Variants in PCDHA5 observed in about 807,000 individuals in gnomAD.
PCDHA5 encodes protocadherin alpha 5, also known as protocadherin alpha-5.
Under a neutral mutation model 61.6 loss-of-function variants are expected in PCDHA5, and 43 were observed. The observed-to-expected ratio is 0.70, with a 90% CI of 0.55 to 0.90. The LOEUF is 0.90. Ranked by LOEUF, PCDHA5 falls within the 40% of genes least tolerant of loss-of-function variation. The pLI, the probability that PCDHA5 is intolerant of heterozygous loss-of-function variation, is 0.00. For synonymous variants in PCDHA5, 627 were observed against 543.9 expected, an observed-to-expected ratio of 1.15 and a Z score of -2.13; for missense variants, 1,298 against 1,222.7, an observed-to-expected ratio of 1.06 and a Z score of -0.92.
intron 3 of PCDHA5, among the ~76,000 whole-genome samples, chr5:140,990,932 G>A (rs1161440839): frequency 6.6e-6 from 1 of 152,154 alleles, no homozygotes; most frequent in African/African-American, 2.4e-5. Flanking sequence ...ATCCCATACT[G>A]TTGCCTCCTG....
chr5:140,871,625 A>C (rs1360108001), intron 1 of PCDHA5: 1 of 1,403,018 alleles, frequency 7.1e-7, no homozygotes, highest in Non-Finnish European at 9.4e-7. Context: ...TTAGATAACA[A>C]TGTCTGTTCA....
intron 1 of PCDHA5, chr5:140,857,742 TG>T (rs1562528366): frequency 1.3e-6 from 2 of 1,597,278 alleles, no homozygotes; most frequent in African/African-American, 2.7e-5. Context: ...CCCGCGCTGC[TG>T]GCGTCTCCCG....
chr5:140,827,864 T>C, intron 1 of PCDHA5: 1 of 608,420 alleles, frequency 1.6e-6, no homozygotes, highest in Non-Finnish European at 2.9e-6. Flanking sequence ...ATATATGGTA[T>C]AGCACTGTTA....
Position 140,823,912 on chromosome 5 carries a change from A to T in PCDHA5, c.2137A>T (p.Thr713Ser). Residue 713 changes from threonine to serine, a missense_variant, in exon 1 of 4, where the codon ACG (threonine) becomes TCG (serine). Coordinates refer to ENST00000529859, the MANE Select transcript of PCDHA5 (RefSeq NM_018908.3). Reference protein sequence around the residue: ...ICAVSSLLVLTLLLYTALRCS... With the variant: ...ICAVSSLLVLSLLLYTALRCS... ...TGCGGTGTCCAGCCTGCTGGTGCTC[A>T]CGCTGCTGCTGTACACCGCGCTGCG... is the stretch of plus-strand genomic sequence containing the variant. The T allele has an allele frequency of 6.2e-7, 1 of 1,613,952 alleles. No homozygotes were observed. Among genetic ancestry groups the T allele is most frequent in the Non-Finnish European group, 8.5e-7 (1 of 1,179,930 alleles).
At chr5:140,850,501 T>C (rs2150486644) in intron 1 of PCDHA5, 1 of 1,598,068 alleles carries the variant, frequency 6.3e-7, no homozygotes, top group African/African-American at 1.3e-5. Context: ...CTGGTGTCGC[T>C]GGTGGAGAGC....
chr5:140,929,698 G>A (rs2086308201), intron 1 of PCDHA5: 1 of 263,620 alleles, frequency 3.8e-6, no homozygotes, highest in Non-Finnish European at 7.5e-6. Flanking sequence ...TGCTTTATAT[G>A]AATATAATAT....
At chr5:140,966,505 A>C (rs2096011889) in intron 1 of PCDHA5, 2 of 427,984 alleles carry the variant, frequency 4.7e-6, no homozygotes, top group Non-Finnish European at 8.1e-6. Context: ...CTGTAGCGGC[A>C]GCAGCAGCAG....
chr5:140,902,010 G>A (rs187351122), intron 1 of PCDHA5, among the ~76,000 whole-genome samples: 56 of 152,092 alleles, frequency 3.7e-4, no homozygotes, highest in African/African-American at 1.3e-3. Context: ...TCACTGTTGG[G>A]ACATATAGAA....
In PCDHA5 at chr5:141,011,040, A is replaced by G. The variant is rs1467029720; in HGVS notation, c.*1103A>G. On this transcript the variant is annotated 3_prime_UTR_variant, in exon 4 of 4. Transcript: ENST00000529859. ...AATCACAGCTTTACTCTTTCAGGTCACTCTGGGGCTGCCTCTTGCATGTAT... is the reference window on the plus strand; with the variant it reads ...AATCACAGCTTTACTCTTTCAGGTCGCTCTGGGGCTGCCTCTTGCATGTAT... 1 of 153,602 alleles carries G rather than the reference A, an allele frequency of 6.5e-6. No homozygotes were observed. The highest frequency in any genetic ancestry group is 2.4e-5 in the African/African-American group (1 of 41,374). The allele number at this position is 153,602 out of a possible 1,614,324, so 9.5% of individuals were successfully genotyped here.
chr5:140,902,599 G>A (rs981296505), intron 1 of PCDHA5, among the ~76,000 whole-genome samples: 14 of 152,024 alleles, frequency 9.2e-5, no homozygotes, highest in Admixed American at 3.3e-4. Flanking sequence ...GAAACAGGTC[G>A]TTTTCAGTTA....
chr5:140,993,234 A>AATCTG (rs1554253510), intron 3 of PCDHA5, among the ~76,000 whole-genome samples: 1 of 152,130 alleles, frequency 6.6e-6, no homozygotes, highest in Non-Finnish European at 1.5e-5. Flanking sequence ...GTTCTCTCTG[A>AATCTG]ATCTGGGGAT....
At chr5:140,993,431 C>T (rs1171497178) in intron 3 of PCDHA5, among the ~76,000 whole-genome samples, 1 of 149,406 alleles carries the variant, frequency 6.7e-6, no homozygotes, top group African/African-American at 2.5e-5. Context: ...TTTTAAAATC[C>T]TTATTCATTC....
chr5:140,998,059 C>T (rs1471709750), intron 3 of PCDHA5, among the ~76,000 whole-genome samples: 1 of 152,154 alleles, frequency 6.6e-6, no homozygotes, highest in East Asian at 1.9e-4. Context: ...ACATCATCAT[C>T]AACAGACTTA....
chr5:140,880,920 A>G (rs1189539222), intron 1 of PCDHA5, among the ~76,000 whole-genome samples: 1 of 152,228 alleles, frequency 6.6e-6, no homozygotes, highest in Non-Finnish European at 1.5e-5. Flanking sequence ...GAGAAATACT[A>G]TGTTAGTAAA....
chr5:140,874,485 T>C (rs1235889322), intron 1 of PCDHA5, among the ~76,000 whole-genome samples: 1 of 152,218 alleles, frequency 6.6e-6, no homozygotes, highest in Non-Finnish European at 1.5e-5. Flanking sequence ...AAGCAAAAGG[T>C]TGATATCAAG....
intron 1 of PCDHA5, among the ~76,000 whole-genome samples, chr5:140,904,951 T>C (rs1468765932): frequency 6.6e-6 from 1 of 152,188 alleles, no homozygotes; most frequent in Non-Finnish European, 1.5e-5. Context: ...GTCCTTTGTC[T>C]GATGCAGAAT....
At chr5:140,870,715 G>T (rs1554164627) in intron 1 of PCDHA5, 2 of 1,613,126 alleles carry the variant, frequency 1.2e-6, no homozygotes, top group East Asian at 2.2e-5. Flanking sequence ...GAGCGCGCGC[G>T]ATGCGGGCGT....
chr5:140,828,025 G>A (rs1554130972), intron 1 of PCDHA5: 1 of 1,517,138 alleles, frequency 6.6e-7, no homozygotes, highest in African/African-American at 1.4e-5. Context: ...AATAAATTCC[G>A]GAACATACAG....
chr5:140,951,220 C>G (rs1554219798), intron 1 of PCDHA5, among the ~76,000 whole-genome samples: 1 of 151,926 alleles, frequency 6.6e-6, no homozygotes, highest in Non-Finnish European at 1.5e-5. Context: ...GGTTTGGATT[C>G]TTGATGGTCT....
Sources: allele counts gnomAD v4.1 joint callset (sites outside exome capture counted in the v4.1 genomes callset), GRCh38; gene constraint gnomAD v4.1.1; transcripts MANE v1.5; gene names NCBI Gene and HGNC (gene_info 2026-07-23, HGNC 2026-07-21).